The following SIPA1L3 variants were observed in gnomAD, a reference collection of about 807,000 sequenced individuals.
SIPA1L3 encodes the protein signal induced proliferation associated 1 like 3, also known as signal-induced proliferation-associated 1-like protein 3.
A neutral mutation model predicts 150.1 loss-of-function variants in SIPA1L3; 59 were observed. That is an observed-to-expected ratio of 0.39 (90% CI 0.32 to 0.49). The LOEUF is 0.49. Ranked by LOEUF, SIPA1L3 falls within the 20% of genes least tolerant of loss-of-function variation. SIPA1L3 has a pLI of 0.86. For missense variants in SIPA1L3, 2,211 were observed against 2,489.5 expected (o/e 0.89, Z 2.38); for synonymous variants, 1,070 against 1,077.6 (o/e 0.99, Z 0.14).
At position 38,117,725 on chromosome 19, in the gene SIPA1L3, C is replaced by T. The variant is rs576218659; in HGVS notation, c.2292-1581C>T. On this transcript the variant is annotated intron_variant, in intron 8 of 21. Transcript: ENST00000222345. ...CTTTCTCCACAAGTTCCTTTTCTCT[C>T]TCCATAGTTTAAATAGTGGGAAATG... Among the ~76,000 whole-genome samples the T allele has an allele frequency of 6.6e-5, 10 of 152,226 alleles. No individual in the cohort carries two copies. In the East Asian group the frequency reaches 1.7e-3, roughly 26 times the overall value.
rs574893150 is a variant in SIPA1L3 at position 37,965,637 on chromosome 19, A to T, written c.-379+58279A>T. Among the ~76,000 whole-genome samples the T allele has an allele frequency of 2.1e-4, 32 of 152,080 alleles. No individual in the cohort carries two copies. The South Asian group carries it at 6.2e-3, about 30-fold the overall frequency. On this transcript the variant is annotated intron_variant, in intron 1 of 21. Transcript: ENST00000222345. ...CCTGGTTTTTGTTTTAAACTTCTAG[A>T]TTCACATTTTCTTTGTAACTTTTTG...
Position 38,119,380 on chromosome 19 carries a change from C to G in SIPA1L3, c.2366C>G (p.Ser789Cys), listed in dbSNP as rs1036556161. Residue 789 changes from serine to cysteine, a missense_variant, in exon 9 of 22, where the codon TCC (serine) becomes TGC (cysteine). This residue lies in a region of SIPA1L3 where 625 missense variants were observed against 804.2 expected (regional missense o/e 0.78). Coordinates refer to ENST00000222345, the MANE Select transcript of SIPA1L3 (RefSeq NM_015073.3). Reference sequence around the variant, plus strand: ...CCCAGTGGAACCACATTCCGCAAATCCGACGTCTTCAGAGACTTCTTGCTG... The same window carrying G: ...CCCAGTGGAACCACATTCCGCAAATGCGACGTCTTCAGAGACTTCTTGCTG... ...PIPSGTTFRKSDVFRDFLLAK... is the reference protein window; with the variant it reads ...PIPSGTTFRKCDVFRDFLLAK... 6 of 1,614,066 alleles carry G rather than the reference C, an allele frequency of 3.7e-6. No homozygotes were observed. The highest frequency in any genetic ancestry group is 5.1e-6 in the Non-Finnish European group (6 of 1,180,040).
intron 4 of SIPA1L3, among the ~76,000 whole-genome samples, chr19:38,089,431 G>A (rs1363540100): frequency 6.6e-6 from 1 of 152,032 alleles, no homozygotes; most frequent in Non-Finnish European, 1.5e-5. Context: ...TGACTTCAGA[G>A]CCCAACATTA....
In SIPA1L3 at chr19:38,196,615, AGAGCATGGAGGTCAAGGGTG is replaced by A. The variant is rs573203207; in HGVS notation, c.4841-1755_4841-1736del. Among the ~76,000 whole-genome samples the A allele has an allele frequency of 4.8e-3, 646 of 134,626 alleles. 2 individuals are homozygous for A. The highest frequency in any genetic ancestry group is 0.023 in the Middle Eastern group (5 of 220). 88.3% of individuals were successfully genotyped at this position (134,626 alleles called of 152,430 possible). ...AGGGAGGAGCATGGAGGTCAAGGGC[AGAGCATGGAGGTCAAGGGTG>A]GAGCATGGAGGTCAAGGGAAGAGCA... On this transcript the variant is annotated intron_variant, in intron 18 of 21. Coordinates refer to ENST00000222345, the MANE Select transcript of SIPA1L3 (RefSeq NM_015073.3).
chr19:38,141,054 T>C, intron 10 of SIPA1L3, 130 bp from the exon 11 acceptor site: 1 of 872,246 alleles, frequency 1.1e-6, no homozygotes, highest in Non-Finnish European at 1.6e-6. Flanking sequence ...CAAGACTCTG[T>C]CTCAAAAAAA....
intron 1 of SIPA1L3, among the ~76,000 whole-genome samples, chr19:38,011,863 G>C (rs866812383): frequency 2.6e-5 from 4 of 152,092 alleles, no homozygotes; most frequent in Non-Finnish European, 4.4e-5. Flanking sequence ...AGATGATGGT[G>C]GTGGCTTGGC....
chr19:38,171,039 A>T (rs990242276), intron 15 of SIPA1L3, among the ~76,000 whole-genome samples: 1 of 152,160 alleles, frequency 6.6e-6, no homozygotes, highest in South Asian at 2.1e-4. Flanking sequence ...CTATGTATAT[A>T]TACACACATA....
At chr19:37,991,614 A>G (rs1967510965) in intron 1 of SIPA1L3, among the ~76,000 whole-genome samples, 1 of 152,252 alleles carries the variant, frequency 6.6e-6, no homozygotes, top group East Asian at 1.9e-4. Flanking sequence ...CCCATTGTGC[A>G]GACAGCTTGG....
intron 1 of SIPA1L3, among the ~76,000 whole-genome samples, chr19:37,998,835 A>G (rs1323787038): frequency 6.6e-6 from 1 of 152,160 alleles, no homozygotes; most frequent in Non-Finnish European, 1.5e-5. Context: ...AAAGGGGGGA[A>G]AAGGAAGAAA....
At chr19:38,123,223 G>GC (rs1971065165) in intron 9 of SIPA1L3, among the ~76,000 whole-genome samples, 1 of 151,698 alleles carries the variant, frequency 6.6e-6, no homozygotes, top group Non-Finnish European at 1.5e-5. Flanking sequence ...ACCTTGACTT[G>GC]CCCAGAGCCC....
chr19:38,017,766 A>G (rs1175404043), intron 1 of SIPA1L3, among the ~76,000 whole-genome samples: 1 of 152,030 alleles, frequency 6.6e-6, no homozygotes, highest in Non-Finnish European at 1.5e-5. Flanking sequence ...CCTGGGCTAA[A>G]GCAATCCTCC....
chr19:38,182,501 T>G lies in SIPA1L3; in HGVS notation c.4209-18T>G. On this transcript the variant is annotated intron_variant, in intron 15 of 21. Transcript: ENST00000222345. Reference sequence around the variant, plus strand: ...AATGGATTTGGTTTTTTTTATCTCTTTCATTTTTGCTTTGCAGTGACATGG... The same window carrying G: ...AATGGATTTGGTTTTTTTTATCTCTGTCATTTTTGCTTTGCAGTGACATGG... 6.4e-7 allele frequency: 1 copy of G among 1,571,628 alleles called. No homozygotes were observed. The highest frequency in any genetic ancestry group is 8.7e-7 in the Non-Finnish European group (1 of 1,153,990).
At chr19:37,984,215 C>T (rs541715273) in intron 1 of SIPA1L3, among the ~76,000 whole-genome samples, 4 of 152,200 alleles carry the variant, frequency 2.6e-5, no homozygotes, top group African/African-American at 9.6e-5. Context: ...TGACCTTGGG[C>T]AAGTAACACC....
intron 1 of SIPA1L3, among the ~76,000 whole-genome samples, chr19:37,912,978 CTGG>C (rs925068085): frequency 1.3e-5 from 2 of 152,088 alleles, no homozygotes; most frequent in African/African-American, 4.8e-5. Context: ...GGGTGAGGGG[CTGG>C]TGGTGGAGCA....
Position 38,206,506 on chromosome 19 carries a change from C to A in SIPA1L3, c.*266C>A, listed in dbSNP as rs973098026. The stretch of plus-strand genomic sequence containing the variant: ...CCGGTGAGCTGGGCTGTGCTTACAC[C>A]GCTCCCGGGCCTGCCCCGCTGTCCC... On this transcript the variant is annotated 3_prime_UTR_variant, in exon 22 of 22. Coordinates refer to ENST00000222345, the MANE Select transcript of SIPA1L3 (RefSeq NM_015073.3). The A allele has an allele frequency of 3.9e-5, 15 of 384,178 alleles. No individual in the cohort carries two copies. The highest frequency in any genetic ancestry group is 6.5e-5 in the Non-Finnish European group (14 of 214,196). 23.8% of individuals were successfully genotyped at this position (384,178 alleles called of 1,614,324 possible). A position where few individuals can be genotyped will look rare whatever the true frequency, so the allele number is the denominator to read the frequency against.
intron 16 of SIPA1L3, among the ~76,000 whole-genome samples, chr19:38,189,569 C>T (rs1972761077): frequency 6.6e-6 from 1 of 152,074 alleles, no homozygotes; most frequent in African/African-American, 2.4e-5. Flanking sequence ...AGTTCAAGAC[C>T]AGCCTGGCCA....
intron 1 of SIPA1L3, among the ~76,000 whole-genome samples, chr19:38,024,021 G>T (rs973900359): frequency 3.3e-5 from 5 of 152,138 alleles, no homozygotes; most frequent in Non-Finnish European, 7.4e-5. Context: ...GGGAGGGGGA[G>T]GGGGGTGGAC....
intron 9 of SIPA1L3, among the ~76,000 whole-genome samples, chr19:38,126,035 G>A (rs868410981): frequency 9.9e-5 from 15 of 152,096 alleles, no homozygotes; most frequent in South Asian, 4.1e-4. Flanking sequence ...TTAGCCGGGC[G>A]TGGTGGCGGG....
chr19:37,910,853 C>G (rs976532144), intron 1 of SIPA1L3, among the ~76,000 whole-genome samples: 14 of 152,194 alleles, frequency 9.2e-5, no homozygotes, highest in African/African-American at 3.4e-4. Flanking sequence ...ACCTTGGCCT[C>G]CCAAAGTGTT....
Sources: allele counts gnomAD v4.1 joint callset (sites outside exome capture counted in the v4.1 genomes callset), GRCh38; gene constraint gnomAD v4.1.1; regional missense constraint gnomAD v4.1.1; transcripts MANE v1.5; gene names NCBI Gene and HGNC (gene_info 2026-07-23, HGNC 2026-07-21).